LTBP4: variants seen among roughly 807,000 people sequenced by gnomAD.
LTBP4 encodes the protein latent transforming growth factor beta binding protein 4.
Under a neutral mutation model 180.2 loss-of-function variants are expected in LTBP4, and 93 were observed. That is an observed-to-expected ratio of 0.52 (90% CI 0.44 to 0.61). The LOEUF is 0.61. Ranked by LOEUF, LTBP4 falls within the 20% of genes least tolerant of loss-of-function variation. LTBP4 has a pLI of 0.00. For missense variants in LTBP4, 2,116 were observed against 2,256.5 expected, an observed-to-expected ratio of 0.94 and a Z score of 1.26; for synonymous variants, 947 against 934.5, an observed-to-expected ratio of 1.01 and a Z score of -0.24.
chr19:40,614,321 A>T lies in LTBP4; in HGVS notation c.2687A>T (p.Asp896Val). 6.3e-7 allele frequency: 1 copy of T among 1,598,638 alleles called. No homozygotes were observed. Among genetic ancestry groups the T allele is most frequent in the Non-Finnish European group, 8.5e-7 (1 of 1,179,200 alleles). ...ACCCGACCTCTCTCCTCAGACGTGG[A>T]CGAATGTCGCGAGCGAGGCCCAGCC... is the stretch of plus-strand genomic sequence containing the variant. Reference protein sequence around the residue: ...GPDLASCLDVDECRERGPALC... With the variant: ...GPDLASCLDVVECRERGPALC... Residue 896 changes from aspartate (D) to valine (V), a missense_variant, in exon 19 of 30, where the codon GAC becomes GTC. Physicochemically the swap from Asp to Val is radical, Grantham distance 152. Transcript: ENST00000396819.
rs567353409 is a variant in LTBP4 at position 40,624,076 on chromosome 19, A to C, written c.3826A>C (p.Ser1276Arg). 1.3e-5 allele frequency: 20 copies of C among 1,559,608 alleles called. No individual in the cohort carries two copies. The African/African-American group carries it at 2.7e-4, about 21-fold the overall frequency. The change falls in exon 26 of 30, where the codon AGC (serine) becomes CGC (arginine). Residue 1276 changes from serine (S) to arginine (R), a missense_variant. Transcript: ENST00000396819. ...CCGCTGCGTCTCCAACGAGAGCCAGAGCCTCGGTAACCCCGCCCACGCCAT... is the reference window on the plus strand; with the variant it reads ...CCGCTGCGTCTCCAACGAGAGCCAGCGCCTCGGTAACCCCGCCCACGCCAT... ...QRRCVSNESQSLDDNLGVCWQ... is the reference protein window; with the variant it reads ...QRRCVSNESQRLDDNLGVCWQ...
Position 40,627,212 on chromosome 19 carries a change from A to G in LTBP4, c.4223A>G (p.Asp1408Gly). Residue 1408 changes from aspartate to glycine, a missense_variant, in exon 28 of 30, where the codon GAC (aspartate) becomes GGC (glycine). Coordinates refer to ENST00000396819, the MANE Select transcript of LTBP4 (RefSeq NM_001042545.2). ...PYGAPRFDMP[D>G]FEDDGGPYGE... Reference sequence around the variant, plus strand: ...GGGGCACCCCGCTTCGACATGCCAGACTTTGAGGACGATGGTGGCCCCTAT... The same window carrying G: ...GGGGCACCCCGCTTCGACATGCCAGGCTTTGAGGACGATGGTGGCCCCTAT... The G allele has an allele frequency of 6.2e-7, 1 of 1,609,290 alleles. No individual in the cohort carries two copies. Among genetic ancestry groups the G allele is most frequent in the Non-Finnish European group, 8.5e-7 (1 of 1,178,336 alleles).
chr19:40,607,341 G>A, intron 6 of LTBP4, 24 bp from the exon 7 acceptor site: 1 of 1,463,070 alleles, frequency 6.8e-7, no homozygotes, highest in African/African-American at 1.5e-5. Context: ...CCGCCCTGAA[G>A]GATTTCCTCC....
At chr19:40,612,366 C>T (rs982820478) in intron 15 of LTBP4, among the ~76,000 whole-genome samples, 174 bp downstream of exon 15, 2 of 152,190 alleles carry the variant, frequency 1.3e-5, no homozygotes, top group Admixed American at 1.3e-4. Flanking sequence ...CTGAATGTGA[C>T]TCCTGAGACC....
rs1348311173 is a variant in LTBP4 at position 40,622,904 on chromosome 19, G to A, written c.3485-46G>A. On this transcript the variant is annotated intron_variant, in intron 23 of 29. Transcript: ENST00000396819. This position sits in a 1 kb window ranked among gnomAD's most constrained non-coding sequence, Gnocchi z 5.1. The stretch of plus-strand genomic sequence containing the variant: ...AGTGGGCACGAGCAGGTCAGGGCTG[G>A]GGCTGGGGCTCTGGTGTCCTGGCTC... 1.3e-6 allele frequency: 2 copies of A among 1,591,170 alleles called. No homozygotes were observed. Among genetic ancestry groups the A allele is most frequent in the East Asian group, 2.2e-5 (1 of 44,532 alleles).
intron 22 of LTBP4, 63 bp downstream of exon 22, chr19:40,619,556 AT>A: frequency 6.6e-7 from 1 of 1,519,640 alleles, no homozygotes; most frequent in Non-Finnish European, 8.9e-7. Flanking sequence ...ACGTGGTCTA[AT>A]CATTCCTGAT....
chr19:40,620,545 G>A (rs1239967184), intron 22 of LTBP4, among the ~76,000 whole-genome samples: 1 of 151,900 alleles, frequency 6.6e-6, no homozygotes, highest in Non-Finnish European at 1.5e-5. Flanking sequence ...GGAGGCCAAG[G>A]CGGGAGGATC....
intron 29 of LTBP4, among the ~76,000 whole-genome samples, chr19:40,628,700 T>A (rs2081655091): frequency 1.3e-5 from 2 of 152,088 alleles, no homozygotes; most frequent in African/African-American, 4.8e-5. Context: ...ACATTGAGAG[T>A]CATGTGCAAA....
Position 40,622,202 on chromosome 19 carries a change from G to C in LTBP4, c.3218-199G>C, listed in dbSNP as rs2081590546. Among the ~76,000 whole-genome samples, 1 of 152,200 alleles carries C rather than the reference G, an allele frequency of 6.6e-6. No homozygotes were observed. The highest frequency in any genetic ancestry group is 1.5e-5 in the Non-Finnish European group (1 of 68,030). ...GAAAGTGTGAGGTGGGGAGGCAAGA[G>C]ATGCAGAAATGACAGGAGGTGACAG... On this transcript the variant is annotated intron_variant, in intron 22 of 29. Coordinates refer to ENST00000396819, the MANE Select transcript of LTBP4 (RefSeq NM_001042545.2). The surrounding 1 kb of genome is among the most constrained non-coding windows in gnomAD (Gnocchi z 5.1).
chr19:40,609,696 CG>C lies in LTBP4; in HGVS notation c.1558+41del. On this transcript the variant is annotated intron_variant, in intron 10 of 29. Coordinates refer to ENST00000396819, the MANE Select transcript of LTBP4 (RefSeq NM_001042545.2). This position sits in a 1 kb window ranked among gnomAD's most constrained non-coding sequence, Gnocchi z 4.9. ...ACGGAGGGCGCGGAAGGAGGCGGGGCGGGGGGCTTTGCCTGGTCACCTTGTC... is the reference window on the plus strand; with the variant it reads ...ACGGAGGGCGCGGAAGGAGGCGGGGCGGGGGCTTTGCCTGGTCACCTTGTC... The C allele has an allele frequency of 6.2e-7, 1 of 1,611,548 alleles. No individual in the cohort carries two copies.
chr19:40,622,357 T>G lies in LTBP4; in HGVS notation c.3218-44T>G. On this transcript the variant is annotated intron_variant, in intron 22 of 29. Coordinates refer to ENST00000396819, the MANE Select transcript of LTBP4 (RefSeq NM_001042545.2). The surrounding 1 kb of genome is among the most constrained non-coding windows in gnomAD (Gnocchi z 5.1). ...TCCCCATCTATGATAGTGGCGGGGC[T>G]GGGGATTCAGCCCACACTGGGCTAA... 1 of 1,457,808 alleles carries G rather than the reference T, an allele frequency of 6.9e-7. No individual in the cohort carries two copies. Among genetic ancestry groups the G allele is most frequent in the Non-Finnish European group, 9.1e-7 (1 of 1,096,268 alleles). 90.3% of individuals were successfully genotyped at this position (1,457,808 alleles called of 1,614,324 possible). A position where few individuals can be genotyped will look rare whatever the true frequency, so the allele number is the denominator to read the frequency against.
In LTBP4 at chr19:40,611,572, C is replaced by T. The variant is rs1407483326; in HGVS notation, c.2053+178C>T. On this transcript the variant is annotated intron_variant, in intron 13 of 29. Coordinates refer to ENST00000396819, the MANE Select transcript of LTBP4 (RefSeq NM_001042545.2). The surrounding 1 kb of genome is among the most constrained non-coding windows in gnomAD (Gnocchi z 4.4). ...CAACAAAATAAGGCAGTCCTCCCCA[C>T]CCCTCCTCCCTTTTTGAAAGATACT... is the stretch of plus-strand genomic sequence containing the variant. Among the ~76,000 whole-genome samples the T allele has an allele frequency of 3.3e-5, 5 of 152,324 alleles. No homozygotes were observed. The East Asian group carries it at 5.8e-4, about 18-fold the overall frequency.
At chr19:40,627,448 G>A in intron 28 of LTBP4, 93 bp downstream of exon 28, 1 of 1,407,324 alleles carries the variant, frequency 7.1e-7, no homozygotes, top group South Asian at 1.5e-5. Flanking sequence ...AGGAGAGACG[G>A]AACACAGGTG....
chr19:40,613,748 C>G lies in LTBP4; in HGVS notation c.2558-168C>G, dbSNP rs2081525865. 8.0e-7 allele frequency: 1 copy of G among 1,245,990 alleles called. No homozygotes were observed. Among genetic ancestry groups the G allele is most frequent in the Non-Finnish European group, 1.1e-6 (1 of 885,906 alleles). 77.2% of individuals were successfully genotyped at this position (1,245,990 alleles called of 1,614,324 possible). A position where few individuals can be genotyped will look rare whatever the true frequency, so the allele number is the denominator to read the frequency against. On this transcript the variant is annotated intron_variant, in intron 17 of 29. Transcript: ENST00000396819. This position sits in a 1 kb window ranked among gnomAD's most constrained non-coding sequence, Gnocchi z 5.0. ...TATTTGGACCGTGATTGTAAAGAAGCTGTTCTAAACCCGTCGGGGGGCGGT... is the reference window on the plus strand; with the variant it reads ...TATTTGGACCGTGATTGTAAAGAAGGTGTTCTAAACCCGTCGGGGGGCGGT...
chr19:40,602,725 A>C (rs923339196), intron 1 of LTBP4, among the ~76,000 whole-genome samples: 2 of 152,114 alleles, frequency 1.3e-5, no homozygotes, highest in Admixed American at 6.5e-5. Context: ...CTATGTCCTC[A>C]ACTCCCCGCT....
In LTBP4 at chr19:40,609,893, G is replaced by T. The variant is rs1469044547; in HGVS notation, c.1684+22G>T. On this transcript the variant is annotated intron_variant, in intron 11 of 29. Transcript: ENST00000396819. This position sits in a 1 kb window ranked among gnomAD's most constrained non-coding sequence, Gnocchi z 4.9. ...CTGGGTGAGAAATTTGCCCCACCCG[G>T]CTCCAGGCCCACCCCAGGGTCTCGC... The T allele has an allele frequency of 2.6e-6, 4 of 1,509,870 alleles. No individual in the cohort carries two copies. Among genetic ancestry groups the T allele is most frequent in the African/African-American group, 1.4e-5 (1 of 72,406 alleles). 93.5% of individuals were successfully genotyped at this position (1,509,870 alleles called of 1,614,324 possible).
At chr19:40,626,638 G>GC in intron 27 of LTBP4, among the ~76,000 whole-genome samples, 1 of 151,920 alleles carries the variant, frequency 6.6e-6, no homozygotes. Context: ...CATGCATCCT[G>GC]CCCCCTCAGG....
At position 40,614,330 on chromosome 19, in the gene LTBP4, G is replaced by T; in HGVS notation, c.2696G>T (p.Arg899Leu). ...CTCTCCTCAGACGTGGACGAATGTC[G>T]CGAGCGAGGCCCAGCCCTGTGCGGG... ...LASCLDVDEC[R>L]ERGPALCGSQ... Residue 899 changes from arginine (R) to leucine (L), a missense_variant, in exon 19 of 30, where the codon CGC becomes CTC. Physicochemically the swap from Arg to Leu is moderately radical, Grantham distance 102. Around this residue, in one of 5 missense-constraint regions of LTBP4, gnomAD observed 877 missense variants for 873.6 expected, o/e 1.00. Transcript: ENST00000396819. 6.3e-7 allele frequency: 1 copy of T among 1,599,262 alleles called. No individual in the cohort carries two copies. Among genetic ancestry groups the T allele is most frequent in the Non-Finnish European group, 8.5e-7 (1 of 1,179,362 alleles).
chr19:40,610,165 A>G (rs956806079), intron 11 of LTBP4: 7 of 466,828 alleles, frequency 1.5e-5, no homozygotes, highest in Non-Finnish European at 2.6e-5. Context: ...CCCCTCCCTG[A>G]CTAACTCCCT....
Sources: gnomAD v4.1 joint callset for allele counts (sites outside exome capture counted in the v4.1 genomes callset) on GRCh38, gnomAD v4.1.1 for gene constraint, gnomAD v4.1.1 regional missense constraint, Gnocchi (gnomAD v3.1) non-coding constraint, MANE v1.5 for transcripts, NCBI Gene and HGNC (gene_info 2026-07-23, HGNC 2026-07-21) for gene names.